The following URB2 variants were observed in gnomAD, a reference collection of about 807,000 sequenced individuals.
URB2 encodes the protein URB2 ribosome biogenesis homolog.
A neutral mutation model predicts 120.9 loss-of-function variants in URB2; 86 were observed. That is an observed-to-expected ratio of 0.71 (90% CI 0.60 to 0.85). URB2 has a LOEUF of 0.85. URB2 is among the 40% of genes least tolerant of loss of function. The pLI is 0.00. For missense variants in URB2, 1,765 were observed against 1,836.5 expected, an observed-to-expected ratio of 0.96 and a Z score of 0.71; for synonymous variants, 755 against 758.4, an observed-to-expected ratio of 1.00 and a Z score of 0.07.
Position 229,634,962 on chromosome 1 carries a change from A to C in URB2, c.349A>C (p.Arg117=). 4 of 1,552,888 alleles carry C rather than the reference A, an allele frequency of 2.6e-6. No homozygotes were observed. The highest frequency in any genetic ancestry group is 2.6e-6 in the Non-Finnish European group (3 of 1,149,638). The stretch of plus-strand genomic sequence containing the variant: ...TGAGTTCTCTCTTTCGGGATCCCAA[A>C]GAAACATCTGTGCTGTCCTTCGATG... ...VAEFSLSGSQ[R]NICAVLRCCQ... The change falls in exon 4 of 10, where the codon AGA becomes CGA. Residue 117 remains arginine (R), a synonymous_variant. Transcript: ENST00000258243.
At chr1:229,642,291 CTTTT>C (rs1246288658) in intron 4 of URB2, among the ~76,000 whole-genome samples, 4 of 151,986 alleles carry the variant, frequency 2.6e-5, no homozygotes, top group African/African-American at 4.8e-5. Context: ...GCTCTGTGGC[CTTTT>C]TTTGTTTGCC....
chr1:229,630,982 CAA>C (rs57940336), intron 2 of URB2, among the ~76,000 whole-genome samples: 70 of 65,104 alleles, frequency 1.1e-3, no homozygotes, highest in African/African-American at 4.3e-3. Flanking sequence ...AACTCCGTCT[CAA>C]AAAAAAAAAA....
chr1:229,634,566 A>T (rs1006401881), intron 3 of URB2, among the ~76,000 whole-genome samples: 1 of 152,192 alleles, frequency 6.6e-6, no homozygotes, highest in African/African-American at 2.4e-5. Flanking sequence ...TCTGCCTGGT[A>T]ACATCTAAGC....
chr1:229,634,708 G>T (rs564100361), intron 3 of URB2, among the ~76,000 whole-genome samples: 26 of 152,286 alleles, frequency 1.7e-4, no homozygotes, highest in African/African-American at 6.0e-4. Flanking sequence ...GGTAGAAGAT[G>T]GATGGGTGGA....
intron 5 of URB2, among the ~76,000 whole-genome samples, chr1:229,645,583 C>G (rs1024338909): frequency 6.6e-6 from 1 of 152,136 alleles, no homozygotes. Flanking sequence ...ACTGTCCTGG[C>G]CGATTTACGT....
chr1:229,641,303 G>A (rs975018304), intron 4 of URB2, among the ~76,000 whole-genome samples: 9 of 152,138 alleles, frequency 5.9e-5, no homozygotes, highest in Non-Finnish European at 7.4e-5. Flanking sequence ...ATAAGCCACC[G>A]TGCCTGGCCA....
intron 8 of URB2, among the ~76,000 whole-genome samples, chr1:229,651,616 A>G (rs1666275564): frequency 6.6e-6 from 1 of 152,226 alleles, no homozygotes; most frequent in South Asian, 2.1e-4. Context: ...AGGGGATATA[A>G]AAATGACTTA....
At chr1:229,627,277 A>T (rs1198788046) in intron 1 of URB2, among the ~76,000 whole-genome samples, 1 of 152,114 alleles carries the variant, frequency 6.6e-6, no homozygotes, top group East Asian at 1.9e-4. Context: ...TGTATGAATG[A>T]CTCTTTCCAC....
intron 9 of URB2, among the ~76,000 whole-genome samples, chr1:229,655,887 C>G (rs1437107118): frequency 1.3e-5 from 2 of 152,224 alleles, no homozygotes; most frequent in African/African-American, 4.8e-5. Flanking sequence ...AAACCTGGAG[C>G]TGCATCACTT....
In URB2 at chr1:229,635,725, A is replaced by G; in HGVS notation, c.1112A>G (p.Asn371Ser). 2 of 1,614,202 alleles carry G rather than the reference A, an allele frequency of 1.2e-6. No homozygotes were observed. The highest frequency in any genetic ancestry group is 2.2e-5 in the East Asian group (1 of 44,890). The part of the protein sequence containing the change: ...EQLLNSVANN[N>S]IYNIAADRIR... The stretch of plus-strand genomic sequence containing the variant: ...CTACTAAACTCAGTGGCCAACAACA[A>G]TATCTACAACATCGCTGCCGACAGA... The change falls in exon 4 of 10, where the codon AAT becomes AGT. Residue 371 changes from asparagine to serine, a missense_variant. By Grantham distance (46) the Asn-to-Ser change is conservative. Coordinates refer to ENST00000258243, the MANE Select transcript of URB2 (RefSeq NM_014777.4).
chr1:229,659,567 A>G lies in URB2; in HGVS notation c.*270A>G. 1 of 309,220 alleles carries G rather than the reference A, an allele frequency of 3.2e-6. No individual in the cohort carries two copies. Among genetic ancestry groups the G allele is most frequent in the Non-Finnish European group, 6.0e-6 (1 of 166,748 alleles). The allele number at this position is 309,220 out of a possible 1,614,324, so 19.2% of individuals were successfully genotyped here. On this transcript the variant is annotated 3_prime_UTR_variant, in exon 10 of 10. Transcript: ENST00000258243. ...GATTAATTCAATAGAAAAATTGCTG[A>G]CTCTTGGGACCTTTCTGTGTTTGGT... is the stretch of plus-strand genomic sequence containing the variant.
rs375390215 is a variant in URB2 at position 229,642,490 on chromosome 1, G to A, written c.3635-1043G>A. 3.3e-5 allele frequency among the ~76,000 whole-genome samples: 5 copies of A among 152,318 alleles called. No homozygotes were observed. In the East Asian group the frequency reaches 7.7e-4, roughly 23 times the overall value. ...GACAGGAAAGCAGGAAGGTATTCTG[G>A]CAATGTGGAATAGGCAGATGGGGCT... On this transcript the variant is annotated intron_variant, in intron 4 of 9. Transcript: ENST00000258243.
Position 229,647,617 on chromosome 1 carries a change from C to T in URB2, c.4014C>T (p.Gly1338=). ...ALLRQGEEAI[G]NPHHVSLAFS... ...TGCGGCAGGGGGAGGAGGCCATCGG[C>T]AACCCCCACCACGTCAGCCTGGCCT... The change falls in exon 7 of 10, where the codon GGC becomes GGT. Residue 1338 remains glycine, a synonymous_variant. Transcript: ENST00000258243. 1 of 1,614,198 alleles carries T rather than the reference C, an allele frequency of 6.2e-7. No homozygotes were observed. The highest frequency in any genetic ancestry group is 8.5e-7 in the Non-Finnish European group (1 of 1,180,042).
At chr1:229,651,128 T>G (rs1666261106) in intron 7 of URB2, 107 bp from the exon 8 acceptor site, 3 of 1,045,612 alleles carry the variant, frequency 2.9e-6, no homozygotes. Flanking sequence ...CTGGTTTGAG[T>G]GTCCCGATAG....
chr1:229,642,424 C>A (rs1283422745), intron 4 of URB2, among the ~76,000 whole-genome samples: 2 of 152,108 alleles, frequency 1.3e-5, no homozygotes, highest in Non-Finnish European at 2.9e-5. Flanking sequence ...CTTTACCTCT[C>A]AAAAGTCCCC....
chr1:229,628,047 T>C (rs1665556527), intron 2 of URB2, among the ~76,000 whole-genome samples: 1 of 147,696 alleles, frequency 6.8e-6, no homozygotes, highest in Admixed American at 6.9e-5. Context: ...CCAGGAGTTC[T>C]AGACCAGACT....
At chr1:229,653,683 T>C (rs73101791) in intron 8 of URB2, among the ~76,000 whole-genome samples, 1 of 152,152 alleles carries the variant, frequency 6.6e-6, no homozygotes, top group Non-Finnish European at 1.5e-5. Context: ...TGACACCATA[T>C]GGTAGGAAAA....
intron 2 of URB2, among the ~76,000 whole-genome samples, chr1:229,630,581 G>A (rs1665632613): frequency 6.6e-6 from 1 of 152,204 alleles, no homozygotes; most frequent in South Asian, 2.1e-4. Flanking sequence ...TTTGGGGATG[G>A]TAAATGAGCA....
At position 229,651,133 on chromosome 1, in the gene URB2, C is replaced by T. The variant is rs78580484; in HGVS notation, c.4150-102C>T. ...GCACACACAACTGGTTTGAGTGTCC[C>T]GATAGACTAGGCTAAGAAAGAAATA... On this transcript the variant is annotated intron_variant, in intron 7 of 9. Transcript: ENST00000258243. 5.5e-3 allele frequency: 6,340 copies of T among 1,143,284 alleles called. 245 individuals are homozygous for T. In the African/African-American group the frequency reaches 0.086, roughly 16 times the overall value. 70.8% of individuals were successfully genotyped at this position (1,143,284 alleles called of 1,614,324 possible). A position where few individuals can be genotyped will look rare whatever the true frequency, so the allele number is the denominator to read the frequency against.
Sources: gnomAD v4.1 joint callset for allele counts (sites outside exome capture counted in the v4.1 genomes callset) on GRCh38, gnomAD v4.1.1 for gene constraint, MANE v1.5 for transcripts, NCBI Gene and HGNC (gene_info 2026-07-23, HGNC 2026-07-21) for gene names.